Variants in KIRREL3 observed in about 807,000 individuals in gnomAD.
KIRREL3 encodes the protein kirre like nephrin family adhesion molecule 3, also known as kin of IRRE-like protein 3.
Under a neutral mutation model 89.7 loss-of-function variants are expected in KIRREL3, and 36 were observed. That is an observed-to-expected ratio of 0.40 (90% CI 0.31 to 0.53). The LOEUF (loss-of-function observed/expected upper bound fraction) is 0.53, where lower values mean the gene tolerates loss of function less well. Ranked by LOEUF, KIRREL3 falls within the 20% of genes least tolerant of loss-of-function variation. The pLI is 0.49. For missense variants in KIRREL3, 864 were observed against 1,056.6 expected, an observed-to-expected ratio of 0.82 and a Z score of 2.53; for synonymous variants, 445 against 441.4, an observed-to-expected ratio of 1.01 and a Z score of -0.10.
rs572923072 is a variant in KIRREL3 at position 126,975,480 on chromosome 11, G to T, written c.55+24975C>A. Reference sequence around the variant, plus strand: ...TGCCAGAACCATATTCACAACCAGGGGTACAGAAGTGGGACTACCAGTATT... The same window carrying T: ...TGCCAGAACCATATTCACAACCAGGTGTACAGAAGTGGGACTACCAGTATT... On this transcript the variant is annotated intron_variant, in intron 1 of 16. Transcript: ENST00000525144. 3.3e-5 allele frequency among the ~76,000 whole-genome samples: 5 copies of T among 152,194 alleles called. No individual in the cohort carries two copies. The South Asian group carries it at 1.0e-3, about 32-fold the overall frequency.
chr11:126,879,710 T>C lies in KIRREL3; in HGVS notation c.55+120745A>G, dbSNP rs1945423887. ...ATTTGTGGTTCAGTCATTTAACCTT[T>C]GCACATTTCTGAGTGGGTCATCTGA... is the stretch of plus-strand genomic sequence containing the variant. On this transcript the variant is annotated intron_variant, in intron 1 of 16. Coordinates refer to ENST00000525144, the MANE Select transcript of KIRREL3 (RefSeq NM_032531.4). The surrounding 1 kb of genome is among the most constrained non-coding windows in gnomAD (Gnocchi z 5.4). Among the ~76,000 whole-genome samples, 1 of 152,236 alleles carries C rather than the reference T, an allele frequency of 6.6e-6. No individual in the cohort carries two copies. The highest frequency in any genetic ancestry group is 6.5e-5 in the Admixed American group (1 of 15,286).
In KIRREL3 at chr11:126,924,234, C is replaced by T. The variant is rs959111682; in HGVS notation, c.55+76221G>A. Among the ~76,000 whole-genome samples, 1 of 152,140 alleles carries T rather than the reference C, an allele frequency of 6.6e-6. No individual in the cohort carries two copies. The highest frequency in any genetic ancestry group is 1.5e-5 in the Non-Finnish European group (1 of 68,022). On this transcript the variant is annotated intron_variant, in intron 1 of 16. Coordinates refer to ENST00000525144, the MANE Select transcript of KIRREL3 (RefSeq NM_032531.4). This position sits in a 1 kb window ranked among gnomAD's most constrained non-coding sequence, Gnocchi z 4.7. ...ATCACCTTTGACCTGAATGCATCCA[C>T]GCAACTGGTTTTCCCACCTTCAGTT...
rs555243173 is a variant in KIRREL3, at chr11:126,715,090, T to C, written c.56-152178A>G. ...TCCATCCTCCTAATGATCAGGTTCT[T>C]GTGCAAGCCTGTGACACTTTCACCT... On this transcript the variant is annotated intron_variant, in intron 1 of 16. Coordinates refer to ENST00000525144, the MANE Select transcript of KIRREL3 (RefSeq NM_032531.4). The surrounding 1 kb of genome is among the most constrained non-coding windows in gnomAD (Gnocchi z 4.4). Among the ~76,000 whole-genome samples the C allele has an allele frequency of 1.6e-4, 25 of 152,308 alleles. No individual in the cohort carries two copies. The East Asian group carries it at 4.6e-3, about 28-fold the overall frequency.
chr11:126,710,237 C>T lies in KIRREL3; in HGVS notation c.56-147325G>A, dbSNP rs543008624. On this transcript the variant is annotated intron_variant, in intron 1 of 16. Transcript: ENST00000525144. The surrounding 1 kb of genome is among the most constrained non-coding windows in gnomAD (Gnocchi z 4.2). ...GGGCCCTGACCAACAGGTGGCTTCT[C>T]GGAGCAGTGCCTTGTCTTAGGGGGG... Among the ~76,000 whole-genome samples the T allele has an allele frequency of 3.9e-5, 6 of 152,272 alleles. No individual in the cohort carries two copies. Among genetic ancestry groups the T allele is most frequent in the Admixed American group, 6.5e-5 (1 of 15,294 alleles).
At chr11:126,982,853 C>T (rs1393422729) in intron 1 of KIRREL3, among the ~76,000 whole-genome samples, 2 of 152,194 alleles carry the variant, frequency 1.3e-5, no homozygotes, top group African/African-American at 4.8e-5. Context: ...ACTCCAAAGA[C>T]AGGAGGAGGC....
At position 126,769,022 on chromosome 11, in the gene KIRREL3, T is replaced by C. The variant is rs1256812612; in HGVS notation, c.56-206110A>G. ...CAAATACACATTTCCGCAGCACATT[T>C]CCATGCCTCTGCATAGGCTGTCCCC... On this transcript the variant is annotated intron_variant, in intron 1 of 16. Transcript: ENST00000525144. The surrounding 1 kb of genome is among the most constrained non-coding windows in gnomAD (Gnocchi z 4.3). 6.6e-6 allele frequency among the ~76,000 whole-genome samples: 1 copy of C among 152,180 alleles called. No homozygotes were observed. Among genetic ancestry groups the C allele is most frequent in the Non-Finnish European group, 1.5e-5 (1 of 68,038 alleles).
chr11:126,945,421 TA>T (rs1251426088), intron 1 of KIRREL3, among the ~76,000 whole-genome samples: 1 of 152,182 alleles, frequency 6.6e-6, no homozygotes, highest in Non-Finnish European at 1.5e-5. Context: ...TTCACTCCTT[TA>T]AAGAGAAATC....
In KIRREL3 at chr11:126,876,007, G is replaced by A. The variant is rs1945272046; in HGVS notation, c.55+124448C>T. On this transcript the variant is annotated intron_variant, in intron 1 of 16. Coordinates refer to ENST00000525144, the MANE Select transcript of KIRREL3 (RefSeq NM_032531.4). This position sits in a 1 kb window ranked among gnomAD's most constrained non-coding sequence, Gnocchi z 4.1. Reference sequence around the variant, plus strand: ...AAATTGAATCTCGGGTTCCCTGGAGGTAGGGAGTGCAGCATGGCACTGCTT... The same window carrying A: ...AAATTGAATCTCGGGTTCCCTGGAGATAGGGAGTGCAGCATGGCACTGCTT... 6.6e-6 allele frequency among the ~76,000 whole-genome samples: 1 copy of A among 152,196 alleles called. No homozygotes were observed.
At chr11:126,799,350 C>A (rs11220613) in intron 1 of KIRREL3, among the ~76,000 whole-genome samples, 31,441 of 80,752 alleles carry the variant, frequency 0.39, 4,050 homozygotes, top group East Asian at 0.58. Flanking sequence ...ATGTGTGTAT[C>A]TCTGTGTGTA....
chr11:126,831,427 C>CTT (rs1943603023), intron 1 of KIRREL3, among the ~76,000 whole-genome samples: 1 of 52,774 alleles, frequency 1.9e-5, no homozygotes, highest in Non-Finnish European at 3.4e-5. Flanking sequence ...CTCTCTATCT[C>CTT]TCTCTCTTTC....
At position 126,526,615 on chromosome 11, in the gene KIRREL3, C is replaced by T; in HGVS notation, c.206G>A (p.Cys69Tyr). Residue 69 changes from cysteine (C) to tyrosine (Y), a missense_variant, in exon 3 of 17, where the codon TGC becomes TAC. Cys to Tyr is a radical substitution (Grantham distance 194). Transcript: ENST00000525144. This position sits in a 1 kb window ranked among gnomAD's most constrained non-coding sequence, Gnocchi z 5.7. ...VVSGQPVTLLCAIPEYDGFVL... is the reference protein window; with the variant it reads ...VVSGQPVTLLYAIPEYDGFVL... Reference sequence around the variant, plus strand: ...GAAGCCATCGTATTCGGGGATGGCGCAAAGTAGCGTCACTGGCTGTCCCGA... The same window carrying T: ...GAAGCCATCGTATTCGGGGATGGCGTAAAGTAGCGTCACTGGCTGTCCCGA... The T allele has an allele frequency of 1.2e-6, 2 of 1,605,400 alleles. No individual in the cohort carries two copies. The highest frequency in any genetic ancestry group is 1.7e-6 in the Non-Finnish European group (2 of 1,176,088).
Position 126,983,697 on chromosome 11 carries a change from G to A in KIRREL3, c.55+16758C>T, listed in dbSNP as rs1390063012. Among the ~76,000 whole-genome samples the A allele has an allele frequency of 1.3e-5, 2 of 152,128 alleles. No homozygotes were observed. The highest frequency in any genetic ancestry group is 4.8e-5 in the African/African-American group (2 of 41,416). ...TGATTTTCCCTATAGCCTCCAGAAAGAAACAGCCCTGCAGCACCTGGATGC... is the reference window on the plus strand; with the variant it reads ...TGATTTTCCCTATAGCCTCCAGAAAAAAACAGCCCTGCAGCACCTGGATGC... On this transcript the variant is annotated intron_variant, in intron 1 of 16. Transcript: ENST00000525144. This position sits in a 1 kb window ranked among gnomAD's most constrained non-coding sequence, Gnocchi z 4.9.
rs1354988392 is a variant in KIRREL3 at position 126,896,008 on chromosome 11, T to C, written c.55+104447A>G. Among the ~76,000 whole-genome samples, 2 of 152,240 alleles carry C rather than the reference T, an allele frequency of 1.3e-5. No homozygotes were observed. Among genetic ancestry groups the C allele is most frequent in the Non-Finnish European group, 2.9e-5 (2 of 68,044 alleles). On this transcript the variant is annotated intron_variant, in intron 1 of 16. Transcript: ENST00000525144. This position sits in a 1 kb window ranked among gnomAD's most constrained non-coding sequence, Gnocchi z 4.1. ...ATGCAGAAATAAAGTGCATTTGTAA[T>C]AGACAACAAAAGGATTATCCCCCAT...
chr11:126,854,251 T>A (rs1944438746), intron 1 of KIRREL3, among the ~76,000 whole-genome samples: 2 of 152,126 alleles, frequency 1.3e-5, no homozygotes, highest in Admixed American at 1.3e-4. Context: ...AAATAAAATT[T>A]ATGATTTAAA....
Position 126,653,887 on chromosome 11 carries a change from A to T in KIRREL3, c.56-90975T>A, listed in dbSNP as rs769541281. Among the ~76,000 whole-genome samples the T allele has an allele frequency of 1.1e-4, 17 of 152,188 alleles. No individual in the cohort carries two copies. Among genetic ancestry groups the T allele is most frequent in the Non-Finnish European group, 1.6e-4 (11 of 68,030 alleles). On this transcript the variant is annotated intron_variant, in intron 1 of 16. Transcript: ENST00000525144. The surrounding 1 kb of genome is among the most constrained non-coding windows in gnomAD (Gnocchi z 5.4). ...CTATAGCCATTTTTAGTTGCACCAAAGGGGGGAGTTGAAAAATAGACCTTG... is the reference window on the plus strand; with the variant it reads ...CTATAGCCATTTTTAGTTGCACCAATGGGGGGAGTTGAAAAATAGACCTTG...
intron 1 of KIRREL3, among the ~76,000 whole-genome samples, chr11:126,998,376 A>C (rs1950230706): frequency 6.6e-6 from 1 of 152,192 alleles, no homozygotes; most frequent in Non-Finnish European, 1.5e-5. Context: ...ACAGGGATGC[A>C]GGGTATCTGA....
chr11:126,840,019 G>A (rs1190390516), intron 1 of KIRREL3, among the ~76,000 whole-genome samples: 2 of 152,018 alleles, frequency 1.3e-5, no homozygotes, highest in Admixed American at 6.5e-5. Flanking sequence ...TTCTCACTAG[G>A]GACATGAACG....
intron 1 of KIRREL3, among the ~76,000 whole-genome samples, chr11:126,950,306 G>T (rs553843526): frequency 6.6e-6 from 1 of 152,168 alleles, no homozygotes; most frequent in African/African-American, 2.4e-5. Flanking sequence ...GACGGAGATT[G>T]CAGTGAGCAG....
At chr11:126,699,462 T>A (rs1366819487) in intron 1 of KIRREL3, among the ~76,000 whole-genome samples, 2 of 152,236 alleles carry the variant, frequency 1.3e-5, no homozygotes, top group Non-Finnish European at 2.9e-5. Context: ...GCTGCAATTT[T>A]AAATTTTCTA....
Sources: allele counts gnomAD v4.1 joint callset (sites outside exome capture counted in the v4.1 genomes callset), GRCh38; gene constraint gnomAD v4.1.1; non-coding constraint Gnocchi (gnomAD v3.1); transcripts MANE v1.5; gene names NCBI Gene and HGNC (gene_info 2026-07-23, HGNC 2026-07-21).